RBMS1: variants seen among roughly 807,000 people sequenced by gnomAD.
RBMS1 encodes RNA-binding motif, single-stranded-interacting protein 1.
A neutral mutation model predicts 62.3 loss-of-function variants in RBMS1; 17 were observed. The observed-to-expected ratio is 0.27, with a 90% confidence interval of 0.19 to 0.41. RBMS1 has a LOEUF of 0.41. RBMS1 is among the 10% of genes least tolerant of loss of function. The pLI, the probability that RBMS1 is intolerant of heterozygous loss-of-function variation, is 1.00. For missense variants in RBMS1, 334 were observed against 504.5 expected, an observed-to-expected ratio of 0.66 and a Z score of 3.24; for synonymous variants, 172 against 170.0, an observed-to-expected ratio of 1.01 and a Z score of -0.09.
rs1321583285 is a variant in RBMS1, at chr2:160,281,347, C to A, written c.918G>T (p.Trp306Cys). 1.2e-6 allele frequency: 2 copies of A among 1,609,350 alleles called. No homozygotes were observed. Among genetic ancestry groups the A allele is most frequent in the Admixed American group, 3.3e-5 (2 of 59,718 alleles). Residue 306 changes from tryptophan to cysteine, a missense_variant, in exon 10 of 14, where the codon TGG becomes TGT. Trp to Cys is a radical substitution (Grantham distance 215, BLOSUM62 -2). This residue lies in a region of RBMS1 where 182 missense variants were observed against 257.7 expected (regional missense o/e 0.71). Coordinates refer to ENST00000348849, the MANE Select transcript of RBMS1 (RefSeq NM_016836.4). The part of the protein sequence containing the change: ...VSAYQVQSPS[W>C]MQPQPYILQH... ...GTAGAATATATGGTTGAGGTTGCAT[C>A]CACGAAGGACTTTGCACCTAGAAAA...
intron 2 of RBMS1, among the ~76,000 whole-genome samples, chr2:160,337,120 T>A (rs1559403483): frequency 6.6e-6 from 1 of 150,962 alleles, no homozygotes. Flanking sequence ...TTCTTTTCGT[T>A]TTTCTTTTTC....
chr2:160,375,780 G>T (rs907342156), intron 1 of RBMS1, among the ~76,000 whole-genome samples: 7 of 152,018 alleles, frequency 4.6e-5, no homozygotes, highest in African/African-American at 1.7e-4. Flanking sequence ...ATGCAGGTGT[G>T]CAGTGTTTTC....
chr2:160,427,739 G>A (rs906008121), intron 1 of RBMS1, among the ~76,000 whole-genome samples: 16 of 152,176 alleles, frequency 1.1e-4, no homozygotes, highest in Non-Finnish European at 1.5e-4. Context: ...AATCATCTCA[G>A]CAGGGTGCCT....
At chr2:160,438,596 G>C (rs1033560665) in intron 1 of RBMS1, among the ~76,000 whole-genome samples, 3 of 152,190 alleles carry the variant, frequency 2.0e-5, no homozygotes, top group Admixed American at 1.3e-4. Flanking sequence ...CAATCAACAG[G>C]ATCCCAAGGC....
chr2:160,392,518 C>A (rs928040550), intron 1 of RBMS1, among the ~76,000 whole-genome samples: 2 of 151,676 alleles, frequency 1.3e-5, no homozygotes, highest in Non-Finnish European at 1.5e-5. Context: ...ATGAGCAGTT[C>A]CCACGTAAAC....
intron 1 of RBMS1, among the ~76,000 whole-genome samples, chr2:160,451,793 C>T (rs965971331): frequency 1.3e-5 from 2 of 151,872 alleles, no homozygotes; most frequent in Non-Finnish European, 2.9e-5. Context: ...ATTTTTAGTA[C>T]AGATGGTGTT....
intron 1 of RBMS1, among the ~76,000 whole-genome samples, chr2:160,407,251 C>T (rs747061443): frequency 1.4e-4 from 22 of 152,330 alleles, no homozygotes; most frequent in Non-Finnish European, 2.5e-4. Context: ...CCTGCCCCTT[C>T]CTCCACTTCC....
chr2:160,468,299 G>A (rs930087878), intron 1 of RBMS1, among the ~76,000 whole-genome samples: 16 of 152,132 alleles, frequency 1.1e-4, no homozygotes, highest in Non-Finnish European at 1.6e-4. Flanking sequence ...TTGAAGGCAC[G>A]ACCCCTGCTC....
intron 2 of RBMS1, among the ~76,000 whole-genome samples, chr2:160,343,836 T>C (rs1692027610): frequency 6.6e-6 from 1 of 152,118 alleles, no homozygotes; most frequent in African/African-American, 2.4e-5. Flanking sequence ...ATTTAGCAAA[T>C]TGCATAATAT....
chr2:160,404,348 C>G (rs751457088), intron 1 of RBMS1, among the ~76,000 whole-genome samples: 1 of 152,124 alleles, frequency 6.6e-6, no homozygotes, highest in Admixed American at 6.6e-5. Context: ...GAGATGAGTA[C>G]CAACCACCGC....
chr2:160,318,761 C>G (rs1382893477), intron 2 of RBMS1, among the ~76,000 whole-genome samples: 1 of 152,194 alleles, frequency 6.6e-6, no homozygotes, highest in Non-Finnish European at 1.5e-5. Flanking sequence ...GTTTAGCACA[C>G]TTAATGGTGT....
intron 10 of RBMS1, among the ~76,000 whole-genome samples, chr2:160,280,514 A>G (rs1291669947): frequency 1.3e-5 from 2 of 152,204 alleles, no homozygotes; most frequent in Non-Finnish European, 2.9e-5. Context: ...CTGTCTGAAC[A>G]TAAGGCCAAG....
rs1433388626 is a variant in RBMS1, at chr2:160,367,410, G to T, written c.76-19C>A. ...GAGACTGCTGGAAAACAAAGATCAG[G>T]AGCCTTAGTATGCTAGCATTAGGAG... On this transcript the variant is annotated intron_variant, in intron 1 of 13. Transcript: ENST00000348849. 3 of 1,613,864 alleles carry T rather than the reference G, an allele frequency of 1.9e-6. No individual in the cohort carries two copies. The highest frequency in any genetic ancestry group is 2.5e-6 in the Non-Finnish European group (3 of 1,179,824).
chr2:160,347,250 T>C (rs373352631), intron 2 of RBMS1, among the ~76,000 whole-genome samples: 30 of 152,236 alleles, frequency 2.0e-4, no homozygotes, highest in South Asian at 1.2e-3. Flanking sequence ...ATGTACGAAT[T>C]CAAATGGTTT....
At chr2:160,396,209 G>A (rs1400670868) in intron 1 of RBMS1, among the ~76,000 whole-genome samples, 1 of 152,158 alleles carries the variant, frequency 6.6e-6, no homozygotes, top group Admixed American at 6.5e-5. Context: ...TTTTTTAAAT[G>A]GACGTTGGCC....
chr2:160,461,744 T>C (rs1031665881), intron 1 of RBMS1, among the ~76,000 whole-genome samples: 1 of 152,226 alleles, frequency 6.6e-6, no homozygotes, highest in Admixed American at 6.5e-5. Flanking sequence ...ACACAAGTAT[T>C]TGCCTACAGC....
chr2:160,374,044 G>A (rs1433915496), intron 1 of RBMS1, among the ~76,000 whole-genome samples: 1 of 152,120 alleles, frequency 6.6e-6, no homozygotes, highest in East Asian at 1.9e-4. Context: ...AGGCCAAGGT[G>A]GGAGGATCAC....
At position 160,439,874 on chromosome 2, in the gene RBMS1, G is replaced by A. The variant is rs1683327789; in HGVS notation, c.75+53415C>T. Among the ~76,000 whole-genome samples, 5 of 152,246 alleles carry A rather than the reference G, an allele frequency of 3.3e-5. No homozygotes were observed. The South Asian group carries it at 1.0e-3, about 32-fold the overall frequency. ...TGGAGACCAGCCCGGCCAACACAGCGAAACCCCGTCTCCACCAAAAAAATA... is the reference window on the plus strand; with the variant it reads ...TGGAGACCAGCCCGGCCAACACAGCAAAACCCCGTCTCCACCAAAAAAATA... On this transcript the variant is annotated intron_variant, in intron 1 of 13. Transcript: ENST00000348849.
At chr2:160,413,672 A>G (rs1696111895) in intron 1 of RBMS1, among the ~76,000 whole-genome samples, 2 of 152,216 alleles carry the variant, frequency 1.3e-5, no homozygotes, top group Admixed American at 1.3e-4. Flanking sequence ...GGTTAACAAA[A>G]CAGAATAAAT....
Sources: allele counts gnomAD v4.1 joint callset (sites outside exome capture counted in the v4.1 genomes callset), GRCh38; gene constraint gnomAD v4.1.1; regional missense constraint gnomAD v4.1.1; transcripts MANE v1.5; gene names NCBI Gene and HGNC (gene_info 2026-07-23, HGNC 2026-07-21).